Variants in ZGRF1 observed in about 807,000 individuals in gnomAD.
The protein encoded by ZGRF1 is zinc finger GRF-type containing 1, also known as 5'-3' DNA helicase ZGRF1.
A neutral mutation model predicts 203.5 loss-of-function variants in ZGRF1; 196 were observed. The observed-to-expected ratio is 0.96, with a 90% CI of 0.86 to 1.08. ZGRF1 has a LOEUF of 1.08. Ranked by LOEUF, ZGRF1 falls within the 50% of genes least tolerant of loss-of-function variation. ZGRF1 has a pLI of 0.00. For synonymous variants in ZGRF1, 809 were observed against 841.3 expected (o/e 0.96, Z 0.66); for missense variants, 2,326 against 2,416.3 (o/e 0.96, Z 0.78).
In ZGRF1 at chr4:112,549,068, T is replaced by C. The variant is rs1161403474; in HGVS notation, c.5347-688A>G. 1.7e-4 allele frequency among the ~76,000 whole-genome samples: 4 copies of C among 23,906 alleles called. 1 individual carries two copies. Among genetic ancestry groups the C allele is most frequent in the Non-Finnish European group, 3.1e-4 (4 of 12,794 alleles). The allele number at this position is 23,906 out of a possible 152,430, so 15.7% of individuals were successfully genotyped here. A position where few individuals can be genotyped will look rare whatever the true frequency, so the allele number is the denominator to read the frequency against. On this transcript the variant is annotated intron_variant, in intron 22 of 27. Coordinates refer to ENST00000505019, the MANE Select transcript of ZGRF1 (RefSeq NM_018392.5). ...GGCGGAGCTTGCAGTGAGCCGAGAT[T>C]GCGCCACTGCACTCCAGCCTGGGCG... is the stretch of plus-strand genomic sequence containing the variant.
intron 10 of ZGRF1, among the ~76,000 whole-genome samples, chr4:112,591,840 A>T (rs1421928505): frequency 6.6e-6 from 1 of 152,122 alleles, no homozygotes; most frequent in Admixed American, 6.6e-5. Context: ...TACCAGTGTC[A>T]TTCTTCAGAG....
chr4:112,587,417 G>A lies in ZGRF1; in HGVS notation c.3640C>T (p.Gln1214Ter), dbSNP rs1450193907. ...MIKGMLYQQR[Q>*]DFSSQDSVSR... ...ACCGAATCTTGACTGCTAAAATCCT[G>A]CCGCTGTTGATAGAGCATGCCTTTT... The change falls in exon 12 of 28, where the codon CAG becomes TAG. Residue 1214 changes from glutamine (Q) to a stop codon, truncating the protein, a stop_gained. Coordinates refer to ENST00000505019, the MANE Select transcript of ZGRF1 (RefSeq NM_018392.5). LOFTEE classifies it high-confidence loss of function. 1 of 1,613,852 alleles carries A rather than the reference G, an allele frequency of 6.2e-7. No individual in the cohort carries two copies.
chr4:112,589,491 G>T (rs986907058), intron 11 of ZGRF1: 7 of 544,436 alleles, frequency 1.3e-5, no homozygotes, highest in African/African-American at 1.1e-4. Context: ...AGGGGTCTGT[G>T]TTGACAAAGT....
At position 112,539,347 on chromosome 4, in the gene ZGRF1, A is replaced by G. The variant is rs1737085663; in HGVS notation, c.*200T>C. ...GCAAACAGAAATCATTCTTCTTAGA[A>G]AAAAGCTTATTTTTATTAGTAGGAT... On this transcript the variant is annotated 3_prime_UTR_variant, in exon 28 of 28. Coordinates refer to ENST00000505019, the MANE Select transcript of ZGRF1 (RefSeq NM_018392.5). The G allele has an allele frequency of 2.7e-6, 1 of 375,320 alleles. No homozygotes were observed. Among genetic ancestry groups the G allele is most frequent in the African/African-American group, 2.1e-5 (1 of 47,570 alleles). 23.2% of individuals were successfully genotyped at this position (375,320 alleles called of 1,614,324 possible). A position where few individuals can be genotyped will look rare whatever the true frequency, so the allele number is the denominator to read the frequency against.
chr4:112,581,843 A>C (rs1201235130), intron 15 of ZGRF1, 41 bp from the exon 16 acceptor site: 1 of 1,075,146 alleles, frequency 9.3e-7, no homozygotes, highest in Non-Finnish European at 1.3e-6. Context: ...TGTAATATTA[A>C]GATGCAAGTT....
At chr4:112,592,922 T>A (rs914774391) in intron 10 of ZGRF1, among the ~76,000 whole-genome samples, 11 of 152,114 alleles carry the variant, frequency 7.2e-5, no homozygotes, top group African/African-American at 2.7e-4. Context: ...CCAACTGAAT[T>A]AGTTACCTTA....
intron 16 of ZGRF1, among the ~76,000 whole-genome samples, chr4:112,574,137 A>G (rs555755499): frequency 6.6e-6 from 1 of 152,236 alleles, no homozygotes; most frequent in Non-Finnish European, 1.5e-5. Flanking sequence ...GTAATATTCA[A>G]AAGAAACCCA....
chr4:112,553,531 C>G (rs1740350235), intron 22 of ZGRF1, among the ~76,000 whole-genome samples: 1 of 152,182 alleles, frequency 6.6e-6, no homozygotes, highest in African/African-American at 2.4e-5. Context: ...TGTAAGGAAT[C>G]TATTCCCACC....
intron 26 of ZGRF1, among the ~76,000 whole-genome samples, chr4:112,540,393 CAG>C (rs1362566603): frequency 7.9e-6 from 1 of 126,596 alleles, no homozygotes; most frequent in Non-Finnish European, 1.8e-5. Context: ...AATAATGAAA[CAG>C]ATAAAAAATA....
intron 7 of ZGRF1, 151 bp from the exon 8 acceptor site, chr4:112,609,580 C>A (rs548427107): frequency 4.4e-5 from 13 of 292,974 alleles, no homozygotes; most frequent in Non-Finnish European, 8.1e-5. Context: ...CCAAGGTGGG[C>A]GGATCACCTG....
intron 1 of ZGRF1, among the ~76,000 whole-genome samples, chr4:112,634,066 T>A (rs2047498387): frequency 6.6e-6 from 1 of 152,176 alleles, no homozygotes. Flanking sequence ...GTGATTTCAG[T>A]TCCTCTTTTA....
Position 112,577,872 on chromosome 4 carries a change from G to A in ZGRF1, c.4438+3791C>T, listed in dbSNP as rs1448667643. Among the ~76,000 whole-genome samples, 50 of 121,566 alleles carry A rather than the reference G, an allele frequency of 4.1e-4. 15 individuals carry two copies. Among genetic ancestry groups the A allele is most frequent in the Admixed American group, 2.0e-3 (21 of 10,530 alleles). The allele number at this position is 121,566 out of a possible 152,430, so 79.8% of individuals were successfully genotyped here. A position where few individuals can be genotyped will look rare whatever the true frequency, so the allele number is the denominator to read the frequency against. On this transcript the variant is annotated intron_variant, in intron 16 of 27. Coordinates refer to ENST00000505019, the MANE Select transcript of ZGRF1 (RefSeq NM_018392.5). ...CACTGTCAACATTAGACAGATCAAT[G>A]AGACAGAAAGTTAACAAGGATATCC... is the stretch of plus-strand genomic sequence containing the variant.
intron 10 of ZGRF1, among the ~76,000 whole-genome samples, chr4:112,594,117 T>G (rs985536553): frequency 6.6e-6 from 1 of 152,136 alleles, no homozygotes; most frequent in Non-Finnish European, 1.5e-5. Context: ...ATTTCCTACA[T>G]AGCAATTATC....
At chr4:112,604,089 T>G (rs1162009674) in intron 9 of ZGRF1, among the ~76,000 whole-genome samples, 1 of 152,060 alleles carries the variant, frequency 6.6e-6, no homozygotes, top group East Asian at 1.9e-4. Flanking sequence ...CCAGGCGTGG[T>G]GGTGCACGCC....
At chr4:112,614,407 G>A (rs58215945) in intron 6 of ZGRF1, among the ~76,000 whole-genome samples, 5,454 of 152,226 alleles carry the variant, frequency 0.036, 324 homozygotes, top group African/African-American at 0.12. Flanking sequence ...TGCCTGAAGC[G>A]CATGTTCTCA....
At chr4:112,607,589 T>C (rs1750964825) in intron 8 of ZGRF1, among the ~76,000 whole-genome samples, 1 of 152,242 alleles carries the variant, frequency 6.6e-6, no homozygotes, top group Non-Finnish European at 1.5e-5. Flanking sequence ...GTTTTGAAAG[T>C]TCCTTCTACC....
chr4:112,558,647 C>A (rs1355263168), intron 19 of ZGRF1, among the ~76,000 whole-genome samples: 2 of 152,238 alleles, frequency 1.3e-5, no homozygotes, highest in Non-Finnish European at 2.9e-5. Context: ...GCGTGAGCCA[C>A]TGTGCCTGGT....
At chr4:112,576,711 G>A (rs1745300584) in intron 16 of ZGRF1, among the ~76,000 whole-genome samples, 1 of 152,172 alleles carries the variant, frequency 6.6e-6, no homozygotes, top group African/African-American at 2.4e-5. Flanking sequence ...AATGAAGCAA[G>A]AAGAGAAGTT....
chr4:112,582,715 C>T (rs964271644), intron 15 of ZGRF1, among the ~76,000 whole-genome samples: 7 of 152,190 alleles, frequency 4.6e-5, no homozygotes, highest in African/African-American at 1.7e-4. Context: ...CCACCTTAGC[C>T]TCCCAAAGTT....
Sources: gnomAD v4.1 joint callset for allele counts (sites outside exome capture counted in the v4.1 genomes callset) on GRCh38, gnomAD v4.1.1 for gene constraint, MANE v1.5 for transcripts, NCBI Gene and HGNC (gene_info 2026-07-23, HGNC 2026-07-21) for gene names.